Variants in MKLN1 observed in about 807,000 individuals in gnomAD.
MKLN1 encodes the protein muskelin 1.
Under a neutral mutation model 99.0 loss-of-function variants are expected in MKLN1, and 18 were observed. That is an observed-to-expected ratio of 0.18 (90% CI 0.13 to 0.27). MKLN1 has a LOEUF of 0.27. Among genes scored for constraint, MKLN1 ranks in the 10% least tolerant of loss-of-function variants. The pLI, the probability that MKLN1 is intolerant of heterozygous loss-of-function variation, is 1.00. For missense variants in MKLN1, 621 were observed against 875.9 expected, an observed-to-expected ratio of 0.71 and a Z score of 3.67; for synonymous variants, 288 against 293.2, an observed-to-expected ratio of 0.98 and a Z score of 0.18.
intron 3 of MKLN1, among the ~76,000 whole-genome samples, chr7:131,215,259 G>A (rs1428354406): frequency 6.6e-6 from 1 of 152,142 alleles, no homozygotes; most frequent in Non-Finnish European, 1.5e-5. Flanking sequence ...TGTTGGCCAG[G>A]CTGGTCGTGA....
chr7:131,221,027 A>G (rs1797052371), intron 3 of MKLN1, among the ~76,000 whole-genome samples: 2 of 152,226 alleles, frequency 1.3e-5, no homozygotes, highest in Admixed American at 1.3e-4. Flanking sequence ...GTCAATTTGT[A>G]TACCTTTTCT....
chr7:131,179,344 G>C (rs956123096), intron 2 of MKLN1, among the ~76,000 whole-genome samples: 26 of 152,082 alleles, frequency 1.7e-4, no homozygotes, highest in African/African-American at 6.3e-4. Flanking sequence ...ATTCCTTTAA[G>C]GGTCTACCTA....
rs1423170806 is a variant in MKLN1 at position 131,490,797 on chromosome 7, C to T, written c.*3069C>T. On this transcript the variant is annotated 3_prime_UTR_variant, in exon 18 of 18. Transcript: ENST00000352689. The stretch of plus-strand genomic sequence containing the variant: ...TATATTGTATATAAATGGTTGGCAG[C>T]TTATTCCAGTTGATCTCTTCACATC... The T allele has an allele frequency of 6.6e-6, 1 of 152,534 alleles. No homozygotes were observed. The highest frequency in any genetic ancestry group is 1.5e-5 in the Non-Finnish European group (1 of 68,008). 9.4% of individuals were successfully genotyped at this position (152,534 alleles called of 1,614,324 possible). A position where few individuals can be genotyped will look rare whatever the true frequency, so the allele number is the denominator to read the frequency against.
intron 3 of MKLN1, among the ~76,000 whole-genome samples, chr7:131,227,372 TTTTC>T (rs879655938): frequency 2.1e-4 from 31 of 149,906 alleles, no homozygotes; most frequent in Non-Finnish European, 4.0e-4. Context: ...CTTTCTTTCT[TTTTC>T]TTTCTTTTTT....
chr7:131,294,956 G>A (rs1485341449), intron 3 of MKLN1, among the ~76,000 whole-genome samples: 4 of 152,132 alleles, frequency 2.6e-5, no homozygotes, highest in Admixed American at 6.5e-5. Flanking sequence ...CCCAGAGGAC[G>A]ACGGGAGGAT....
At chr7:131,449,517 G>C (rs1796117176) in intron 12 of MKLN1, among the ~76,000 whole-genome samples, 1 of 152,138 alleles carries the variant, frequency 6.6e-6, no homozygotes, top group Non-Finnish European at 1.5e-5. Flanking sequence ...TTTTATGGCA[G>C]GGTTGAGCAT....
intron 6 of MKLN1, among the ~76,000 whole-genome samples, chr7:131,403,775 A>G (rs1794621167): frequency 1.3e-5 from 2 of 152,186 alleles, no homozygotes; most frequent in African/African-American, 2.4e-5. Flanking sequence ...CCTCAAAACA[A>G]TTACATTATT....
At chr7:131,145,846 T>A (rs866107820) in intron 2 of MKLN1, among the ~76,000 whole-genome samples, 106 of 152,348 alleles carry the variant, frequency 7.0e-4, no homozygotes, top group African/African-American at 2.4e-3. Flanking sequence ...CTGGAGGTAG[T>A]AAATTCCCTG....
intron 2 of MKLN1, among the ~76,000 whole-genome samples, chr7:131,379,228 A>G (rs1793765854): frequency 6.6e-6 from 1 of 152,228 alleles, no homozygotes; most frequent in African/African-American, 2.4e-5. Flanking sequence ...GGCCTCAGGC[A>G]TTCTCCACAA....
chr7:131,478,908 A>C, intron 17 of MKLN1: 1 of 563,636 alleles, frequency 1.8e-6, no homozygotes, highest in Non-Finnish European at 3.1e-6. Context: ...GTTAGTATGC[A>C]AACAGATAGC....
At chr7:131,122,916 G>T (rs1795395623) in intron 1 of MKLN1, among the ~76,000 whole-genome samples, 2 of 151,574 alleles carry the variant, frequency 1.3e-5, no homozygotes, top group Admixed American at 1.3e-4. Context: ...CCAGCTACTC[G>T]GGAGGCTGAG....
At chr7:131,237,461 G>A (rs1461973607) in intron 3 of MKLN1, among the ~76,000 whole-genome samples, 1 of 152,196 alleles carries the variant, frequency 6.6e-6, no homozygotes, top group East Asian at 1.9e-4. Flanking sequence ...AGGTGACATA[G>A]TAGATATTAG....
intron 3 of MKLN1, among the ~76,000 whole-genome samples, chr7:131,219,407 G>C (rs1797029880): frequency 6.6e-6 from 1 of 152,094 alleles, no homozygotes; most frequent in South Asian, 2.1e-4. Context: ...AGCCAATTCA[G>C]CAAACAAAGG....
chr7:131,480,343 T>C (rs949119113), intron 17 of MKLN1, among the ~76,000 whole-genome samples: 1 of 152,216 alleles, frequency 6.6e-6, no homozygotes, highest in African/African-American at 2.4e-5. Context: ...TCAATTTAGT[T>C]TCTTCATTAT....
In MKLN1 at chr7:131,120,204, A is replaced by G. The variant is rs559979427; in HGVS notation, c.-419+9997A>G. On this transcript the variant is annotated intron_variant, in intron 1 of 7. Coordinates refer to the MKLN1 transcript ENST00000416992. ...AAAAAAAAAAAGAAGCAGCCAGGCC[A>G]TATCTTGAATGCTTTGCAGCTTAGA... Among the ~76,000 whole-genome samples, 5 of 146,804 alleles carry G rather than the reference A, an allele frequency of 3.4e-5. No individual in the cohort carries two copies. In the East Asian group the frequency reaches 1.0e-3, roughly 30 times the overall value.
In MKLN1 at chr7:131,494,647, C is replaced by T. The variant is rs1797508913; in HGVS notation, c.*6919C>T. On this transcript the variant is annotated 3_prime_UTR_variant, in exon 18 of 18. Coordinates refer to ENST00000352689, the MANE Select transcript of MKLN1 (RefSeq NM_013255.5). ...TGACTGATCAATTGTAAACAATTTT[C>T]TTCCTTACTTACAAATCATCCGTTC... 6.6e-6 allele frequency: 1 copy of T among 151,942 alleles called. No individual in the cohort carries two copies. The highest frequency in any genetic ancestry group is 2.4e-5 in the African/African-American group (1 of 41,372). 9.4% of individuals were successfully genotyped at this position (151,942 alleles called of 1,614,324 possible).
chr7:131,223,808 C>T (rs1250578077), intron 3 of MKLN1, among the ~76,000 whole-genome samples: 1 of 152,022 alleles, frequency 6.6e-6, no homozygotes, highest in East Asian at 1.9e-4. Context: ...GCTCTGTTGC[C>T]AAGGCTGGAG....
chr7:131,295,368 A>T (rs13233481), intron 3 of MKLN1, among the ~76,000 whole-genome samples: 5 of 151,978 alleles, frequency 3.3e-5, no homozygotes, highest in African/African-American at 4.8e-5. Context: ...GCTGATAAAC[A>T]CATTGTGTAA....
intron 1 of MKLN1, among the ~76,000 whole-genome samples, chr7:131,137,636 G>A (rs1176373095): frequency 1.3e-5 from 2 of 152,242 alleles, no homozygotes; most frequent in South Asian, 4.1e-4. Context: ...GTGCAATGGC[G>A]CAATCTCGGC....
Sources: allele counts gnomAD v4.1 joint callset (sites outside exome capture counted in the v4.1 genomes callset), GRCh38; gene constraint gnomAD v4.1.1; transcripts MANE v1.5; gene names NCBI Gene and HGNC (gene_info 2026-07-23, HGNC 2026-07-21).